The following OSBP2 variants were observed in gnomAD, a reference collection of about 807,000 sequenced individuals.
The protein encoded by OSBP2 is oxysterol-binding protein 2.
OSBP2 carries 66 observed loss-of-function variants against 96.0 expected under a neutral mutation model. That is an observed-to-expected ratio of 0.69 (90% CI 0.56 to 0.84). The LOEUF is 0.84. Among genes scored for constraint, OSBP2 ranks in the 40% least tolerant of loss-of-function variants. The pLI, the probability that OSBP2 is intolerant of heterozygous loss-of-function variation, is 0.00. For synonymous variants in OSBP2, 525 were observed against 520.9 expected, an observed-to-expected ratio of 1.01 and a Z score of -0.11; for missense variants, 1,038 against 1,222.7, an observed-to-expected ratio of 0.85 and a Z score of 2.25.
At chr22:30,888,651 C>T (rs1160041945) in intron 5 of OSBP2, among the ~76,000 whole-genome samples, 1 of 152,078 alleles carries the variant, frequency 6.6e-6, no homozygotes, top group Non-Finnish European at 1.5e-5. Flanking sequence ...TCGCTTGAGC[C>T]CAGGGAGGTG....
rs1186610577 is a variant in OSBP2 at position 30,860,214 on chromosome 22, G to A, written c.854-10215G>A. Among the ~76,000 whole-genome samples the A allele has an allele frequency of 6.6e-5, 10 of 152,100 alleles. No homozygotes were observed. The South Asian group carries it at 8.3e-4, about 13-fold the overall frequency. Reference sequence around the variant, plus strand: ...CCCCAAGTTACCAGTCAGTCCCATCGCCCAGGATGCTTGAGCCTTCAGGCA... The same window carrying A: ...CCCCAAGTTACCAGTCAGTCCCATCACCCAGGATGCTTGAGCCTTCAGGCA... On this transcript the variant is annotated intron_variant, in intron 2 of 13. Coordinates refer to ENST00000332585, the MANE Select transcript of OSBP2 (RefSeq NM_030758.4).
chr22:30,805,008 C>T (rs2090908105), intron 2 of OSBP2, among the ~76,000 whole-genome samples: 1 of 152,182 alleles, frequency 6.6e-6, no homozygotes, highest in African/African-American at 2.4e-5. Flanking sequence ...TGAGATTGAT[C>T]TATCTATCTA....
intron 2 of OSBP2, among the ~76,000 whole-genome samples, chr22:30,789,356 G>T (rs1247830976): frequency 6.6e-6 from 1 of 152,134 alleles, no homozygotes; most frequent in Non-Finnish European, 1.5e-5. Context: ...GCAAGTGGGG[G>T]CCACATTCTC....
rs1168696046 is a variant in OSBP2 at position 30,701,001 on chromosome 22, A to G, written c.644+5448A>G. ...TCCCAGCTACTCGGGAGGCTGAGGC[A>G]GGAGAATTGCTTGAACCTGGGAGGC... is the stretch of plus-strand genomic sequence containing the variant. On this transcript the variant is annotated intron_variant, in intron 1 of 13. Transcript: ENST00000332585. Among the ~76,000 whole-genome samples, 3 of 151,846 alleles carry G rather than the reference A, an allele frequency of 2.0e-5. No individual in the cohort carries two copies. In the East Asian group the frequency reaches 5.8e-4, roughly 30 times the overall value.
rs536293986 is a variant in OSBP2, at chr22:30,831,946, G to A, written c.854-38483G>A. ...AAGTTAATTGCCTTCTCCCATGGCT[G>A]TTTCTGTGCCTACTTTGACCTCACC... On this transcript the variant is annotated intron_variant, in intron 2 of 13. Transcript: ENST00000332585. Among the ~76,000 whole-genome samples, 106 of 152,246 alleles carry A rather than the reference G, an allele frequency of 7.0e-4. 1 individual carries two copies. Among genetic ancestry groups the A allele is most frequent in the African/African-American group, 2.3e-3 (94 of 41,556 alleles).
chr22:30,881,723 C>G lies in OSBP2; in HGVS notation c.1108-5703C>G. ...AGGGCCACGCCAGGCGCCTGCCTCT[C>G]CCCACAGCACAGCCAGGATGGGGCC... is the stretch of plus-strand genomic sequence containing the variant. On this transcript the variant is annotated intron_variant, in intron 3 of 13. Transcript: ENST00000332585. This position sits in a 1 kb window ranked among gnomAD's most constrained non-coding sequence, Gnocchi z 4.5. 7.7e-7 allele frequency: 1 copy of G among 1,304,110 alleles called. No homozygotes were observed. The highest frequency in any genetic ancestry group is 1.0e-6 in the Non-Finnish European group (1 of 988,884). 80.8% of individuals were successfully genotyped at this position (1,304,110 alleles called of 1,614,324 possible).
chr22:30,705,145 C>A (rs2089231738), intron 1 of OSBP2, among the ~76,000 whole-genome samples: 1 of 152,160 alleles, frequency 6.6e-6, no homozygotes, highest in East Asian at 1.9e-4. Context: ...CTGTGGCTCT[C>A]CTGGCCCTGT....
chr22:30,829,625 C>T (rs1286343438), intron 2 of OSBP2, among the ~76,000 whole-genome samples: 3 of 152,218 alleles, frequency 2.0e-5, no homozygotes. Flanking sequence ...GGGCCCTTAC[C>T]TCTACTTATT....
At chr22:30,828,360 A>C (rs2038449233) in intron 2 of OSBP2, among the ~76,000 whole-genome samples, 1 of 152,158 alleles carries the variant, frequency 6.6e-6, no homozygotes, top group Admixed American at 6.5e-5. Context: ...CCCAGCCCAG[A>C]GGGGCTGGGA....
At chr22:30,703,888 A>C (rs763369172) in intron 1 of OSBP2, among the ~76,000 whole-genome samples, 1 of 152,216 alleles carries the variant, frequency 6.6e-6, no homozygotes, top group Non-Finnish European at 1.5e-5. Flanking sequence ...GTTAGATCCA[A>C]CTGGATAATA....
At chr22:30,697,569 C>T (rs529778606) in intron 1 of OSBP2, among the ~76,000 whole-genome samples, 10 of 152,174 alleles carry the variant, frequency 6.6e-5, no homozygotes, top group South Asian at 4.2e-4. Flanking sequence ...AATGTGTAGA[C>T]GGTTGACATT....
At chr22:30,793,471 A>G (rs2090709063) in intron 2 of OSBP2, among the ~76,000 whole-genome samples, 1 of 151,294 alleles carries the variant, frequency 6.6e-6, no homozygotes, top group African/African-American at 2.4e-5. Flanking sequence ...TTCAAGACCA[A>G]CCTGGGTAAC....
At chr22:30,893,101 A>G in intron 8 of OSBP2, 21 bp from the exon 9 acceptor site, 1 of 1,612,372 alleles carries the variant, frequency 6.2e-7, no homozygotes, top group Non-Finnish European at 8.5e-7. Flanking sequence ...AGATGCTCAC[A>G]TCCTATGGGT....
chr22:30,887,677 CACA>C, intron 4 of OSBP2, 59 bp downstream of exon 4: 1 of 1,420,868 alleles, frequency 7.0e-7, no homozygotes, highest in South Asian at 1.3e-5. Flanking sequence ...GCTCTGCATA[CACA>C]ACTTCTGCGC....
At chr22:30,802,531 G>A (rs556599884) in intron 2 of OSBP2, among the ~76,000 whole-genome samples, 1 of 152,368 alleles carries the variant, frequency 6.6e-6, no homozygotes, top group African/African-American at 2.4e-5. Context: ...CGATTGGGGC[G>A]CGATAGCGCC....
At chr22:30,767,673 A>G (rs2090293121) in intron 2 of OSBP2, among the ~76,000 whole-genome samples, 1 of 152,140 alleles carries the variant, frequency 6.6e-6, no homozygotes, top group Non-Finnish European at 1.5e-5. Context: ...GGAAGTAGAA[A>G]AGGGAATGCA....
chr22:30,815,717 TTCTA>T (rs1039550229), intron 2 of OSBP2, among the ~76,000 whole-genome samples: 13 of 152,218 alleles, frequency 8.5e-5, no homozygotes, highest in South Asian at 2.1e-4. Flanking sequence ...AGCTAACAGT[TTCTA>T]TCTTTCTCTT....
At chr22:30,821,282 T>C (rs2146977707) in intron 2 of OSBP2, among the ~76,000 whole-genome samples, 1 of 152,256 alleles carries the variant, frequency 6.6e-6, no homozygotes, top group Non-Finnish European at 1.5e-5. Context: ...AGCTGTTATA[T>C]TGTGCAGAGA....
chr22:30,864,247 C>T (rs1400601274), intron 2 of OSBP2, among the ~76,000 whole-genome samples: 3 of 152,198 alleles, frequency 2.0e-5, no homozygotes, highest in Non-Finnish European at 2.9e-5. Flanking sequence ...GCTGGGATTA[C>T]ATCACATTCT....
Sources: gnomAD v4.1 joint callset for allele counts (sites outside exome capture counted in the v4.1 genomes callset) on GRCh38, gnomAD v4.1.1 for gene constraint, Gnocchi (gnomAD v3.1) non-coding constraint, MANE v1.5 for transcripts, NCBI Gene and HGNC (gene_info 2026-07-23, HGNC 2026-07-21) for gene names.